The following DDX60L variants were observed in gnomAD, a reference collection of about 807,000 sequenced individuals.
DDX60L encodes DExD/H-box 60 like.
A neutral mutation model predicts 211.6 loss-of-function variants in DDX60L; 191 were observed. That is an observed-to-expected ratio of 0.90 (90% confidence interval 0.80 to 1.02). DDX60L has a LOEUF of 1.02. Ranked by LOEUF, DDX60L falls within the 50% of genes least tolerant of loss-of-function variation. The pLI is 0.00. For synonymous variants in DDX60L, 706 were observed against 694.1 expected (o/e 1.02, Z -0.27); for missense variants, 2,007 against 1,984.1 (o/e 1.01, Z -0.22).
chr4:168,360,968 G>C (rs928656653), intron 37 of DDX60L, among the ~76,000 whole-genome samples, 181 bp downstream of exon 37: 2 of 152,252 alleles, frequency 1.3e-5, no homozygotes, highest in African/African-American at 4.8e-5. Context: ...CAGCGTGACA[G>C]TGTCCTGAGG....
chr4:168,358,101 A>G lies in DDX60L; in HGVS notation c.*46T>C. 2 of 1,545,738 alleles carry G rather than the reference A, an allele frequency of 1.3e-6. No homozygotes were observed. The highest frequency in any genetic ancestry group is 2.8e-5 in the African/African-American group (2 of 72,422). ...TAAGCTTAATTATATCTCTCCTTGC[A>G]AAGGGATAAATACCACATAATCAGA... On this transcript the variant is annotated 3_prime_UTR_variant, in exon 38 of 38. Coordinates refer to ENST00000682922, the MANE Select transcript of DDX60L (RefSeq NM_001012967.3).
chr4:168,390,657 TATAGAGAGGAGGTGA>T, intron 29 of DDX60L: 1 of 453,140 alleles, frequency 2.2e-6, no homozygotes, highest in Non-Finnish European at 3.7e-6. Flanking sequence ...TTTAGCAGTG[TATAGAGAGGAGGTGA>T]TTTTTCTTCC....
At chr4:168,398,947 C>T (rs1746300904) in intron 26 of DDX60L, among the ~76,000 whole-genome samples, 1 of 150,102 alleles carries the variant, frequency 6.7e-6, no homozygotes, top group Non-Finnish European at 1.5e-5. Context: ...GGATTACCTG[C>T]CTGCAGAGAG....
intron 5 of DDX60L, among the ~76,000 whole-genome samples, chr4:168,461,217 C>A (rs755369046): frequency 1.3e-5 from 2 of 152,120 alleles, no homozygotes; most frequent in African/African-American, 2.4e-5. Flanking sequence ...CCCTAGGTTA[C>A]CTCATTAGGA....
intron 4 of DDX60L, among the ~76,000 whole-genome samples, chr4:168,465,129 A>C (rs2130136): frequency 0.72 from 109,287 of 151,698 alleles, 40,614 homozygotes; most frequent in East Asian, 0.88. Flanking sequence ...CATATGAGTT[A>C]CCCTTTCTCT....
rs1164157785 is a variant in DDX60L at position 168,379,439 on chromosome 4, A to G, written c.4287T>C (p.His1429=). ...TTACAAAAACAAGATTTGAAGGTTC[A>G]TGACCATGCAAATATGATGCAAGTC... is the stretch of plus-strand genomic sequence containing the variant. ...FAGLASYLHG[H]EPSNLVFVNF... The change falls in exon 32 of 38, where the codon CAT becomes CAC. Residue 1429 remains histidine, a synonymous_variant. Transcript: ENST00000682922. The G allele has an allele frequency of 1.9e-6, 3 of 1,603,464 alleles. No homozygotes were observed. The Admixed American group carries it at 5.2e-5, about 28-fold the overall frequency.
intron 29 of DDX60L, among the ~76,000 whole-genome samples, chr4:168,388,739 C>T (rs1462171990): frequency 1.3e-5 from 2 of 152,182 alleles, no homozygotes; most frequent in African/African-American, 2.4e-5. Flanking sequence ...CTGTGAAGAT[C>T]TAGCACATAG....
intron 22 of DDX60L, among the ~76,000 whole-genome samples, chr4:168,408,735 T>C (rs1320510695): frequency 6.6e-6 from 1 of 152,222 alleles, no homozygotes; most frequent in Non-Finnish European, 1.5e-5. Flanking sequence ...GACAGCCTCT[T>C]TGGGCACTGA....
chr4:168,449,652 C>CAAAAAAAAAA, intron 8 of DDX60L, among the ~76,000 whole-genome samples: 55 of 7,914 alleles, frequency 6.9e-3, no homozygotes, highest in African/African-American at 9.2e-3. Context: ...AAAAAAAATG[C>CAAAAAAAAAA]AAAAAAAAAA....
intron 7 of DDX60L, among the ~76,000 whole-genome samples, chr4:168,454,779 T>TTTTTTTTTTTTTTTTTTTTTTGG: frequency 7.1e-6 from 1 of 141,088 alleles, no homozygotes; most frequent in South Asian, 2.3e-4. Flanking sequence ...TTTTTTTTTT[T>TTTTTTTTTTTTTTTTTTTTTTGG]AGCAGCTAGA....
At chr4:168,435,059 T>C (rs1752853029) in intron 10 of DDX60L, among the ~76,000 whole-genome samples, 3 of 152,210 alleles carry the variant, frequency 2.0e-5, no homozygotes, top group Admixed American at 2.0e-4. Context: ...GAACTGGCAC[T>C]AATTCCAGAA....
At chr4:168,368,883 T>A (rs1740455049) in intron 36 of DDX60L, among the ~76,000 whole-genome samples, 1 of 152,216 alleles carries the variant, frequency 6.6e-6, no homozygotes, top group Non-Finnish European at 1.5e-5. Context: ...ATTTCTCCCA[T>A]TTGGAATGGC....
chr4:168,358,511 CT>C (rs949834188), intron 37 of DDX60L, among the ~76,000 whole-genome samples: 2 of 139,294 alleles, frequency 1.4e-5, no homozygotes, highest in African/African-American at 2.6e-5. Flanking sequence ...TTCTTTTTTT[CT>C]TTTTTCTTTT....
chr4:168,445,686 C>G (rs1754667898), intron 9 of DDX60L, among the ~76,000 whole-genome samples: 1 of 151,624 alleles, frequency 6.6e-6, no homozygotes, highest in African/African-American at 2.4e-5. Context: ...CCACCATGAT[C>G]AAGTGGGCTT....
chr4:168,378,364 G>C lies in DDX60L; in HGVS notation c.4475C>G (p.Ser1492Cys). 7.0e-7 allele frequency: 1 copy of C among 1,429,788 alleles called. No homozygotes were observed. The highest frequency in any genetic ancestry group is 9.6e-7 in the Non-Finnish European group (1 of 1,038,416). 88.6% of individuals were successfully genotyped at this position (1,429,788 alleles called of 1,614,324 possible). A position where few individuals can be genotyped will look rare whatever the true frequency, so the allele number is the denominator to read the frequency against. The change falls in exon 33 of 38, where the codon TCT becomes TGT. Residue 1492 changes from serine (S) to cysteine (C), a missense_variant. Physicochemically the swap from Ser to Cys is moderately radical, Grantham distance 112. Coordinates refer to ENST00000682922, the MANE Select transcript of DDX60L (RefSeq NM_001012967.3). Reference protein sequence around the residue: ...AKFQNANLSFSQSKVILAELP... With the variant: ...AKFQNANLSFCQSKVILAELP... ...TATAACAAACTTTACCTTTGACTGA[G>C]AAAAACTTAAATTAGCATTTTGGAA... is the stretch of plus-strand genomic sequence containing the variant.
chr4:168,445,326 C>T (rs1467358909), intron 9 of DDX60L, among the ~76,000 whole-genome samples: 1 of 123,638 alleles, frequency 8.1e-6, no homozygotes, highest in Non-Finnish European at 1.8e-5. Context: ...AAGACTAAAC[C>T]AGGAAGAAGT....
chr4:168,416,509 A>G (rs535589695), intron 20 of DDX60L, among the ~76,000 whole-genome samples, 173 bp downstream of exon 20: 10 of 152,330 alleles, frequency 6.6e-5, no homozygotes, highest in African/African-American at 2.4e-4. Context: ...CCTTCAGCCC[A>G]GGAGTTTAAG....
chr4:168,361,695 T>G (rs1739136072), intron 36 of DDX60L, among the ~76,000 whole-genome samples: 1 of 151,610 alleles, frequency 6.6e-6, no homozygotes. Flanking sequence ...TGACTGGGAG[T>G]CAGGGTGGCT....
At chr4:168,452,553 T>C (rs1755943813) in intron 8 of DDX60L, among the ~76,000 whole-genome samples, 1 of 152,228 alleles carries the variant, frequency 6.6e-6, no homozygotes, top group Admixed American at 6.5e-5. Context: ...ACAACTACTA[T>C]GTACTCACAA....
Sources: gnomAD v4.1 joint callset for allele counts (sites outside exome capture counted in the v4.1 genomes callset) on GRCh38, gnomAD v4.1.1 for gene constraint, MANE v1.5 for transcripts, NCBI Gene and HGNC (gene_info 2026-07-23, HGNC 2026-07-21) for gene names.